IMPA2: variants seen among roughly 807,000 people sequenced by gnomAD.
The protein encoded by IMPA2 is IMP 2.
In IMPA2, 32 loss-of-function variants were observed where a neutral mutation model predicts 35.1. The ratio of observed to expected loss-of-function variants is 0.91; its 90% confidence interval spans 0.69 to 1.23. The LOEUF (loss-of-function observed/expected upper bound fraction) is 1.23. IMPA2 is among the 50% of genes most tolerant of loss of function. The probability of loss-of-function intolerance (pLI) is 0.00; values close to 1 mark genes in which losing one functional copy is unlikely to be tolerated. For synonymous variants in IMPA2, 135 were observed against 160.6 expected, an observed-to-expected ratio of 0.84 and a Z score of 1.20; for missense variants, 334 against 387.6, an observed-to-expected ratio of 0.86 and a Z score of 1.16.
chr18:12,030,299 C>T, intron 7 of IMPA2, 44 bp from the exon 8 acceptor site: 1 of 1,461,692 alleles, frequency 6.8e-7, no homozygotes, highest in Non-Finnish European at 9.6e-7. Context: ...TTGTTCAGCC[C>T]TCTCTGGTAA....
chr18:11,981,571 C>T lies in IMPA2; in HGVS notation c.-99C>T. The T allele has an allele frequency of 2.6e-6, 2 of 762,444 alleles. No individual in the cohort carries two copies. The highest frequency in any genetic ancestry group is 3.6e-6 in the Non-Finnish European group (2 of 561,128). The allele number at this position is 762,444 out of a possible 1,614,324, so 47.2% of individuals were successfully genotyped here. A position where few individuals can be genotyped will look rare whatever the true frequency, so the allele number is the denominator to read the frequency against. ...CTAGGCACAGAGCTGCGGGAGCAGG[C>T]ACAGGGAGTGTGGAGCCTGGCGGCG... On this transcript the variant is annotated 5_prime_UTR_variant, in exon 1 of 8. Coordinates refer to ENST00000269159, the MANE Select transcript of IMPA2 (RefSeq NM_014214.3).
At position 12,009,828 on chromosome 18, in the gene IMPA2, G is replaced by T; in HGVS notation, c.231-55G>T. On this transcript the variant is annotated intron_variant, in intron 2 of 7. Coordinates refer to ENST00000269159, the MANE Select transcript of IMPA2 (RefSeq NM_014214.3). Reference sequence around the variant, plus strand: ...TTAATGGGACTGGAAGCAATTTCAGGCACGTTATTCTGTGTCCTTGGTGCA... The same window carrying T: ...TTAATGGGACTGGAAGCAATTTCAGTCACGTTATTCTGTGTCCTTGGTGCA... The T allele has an allele frequency of 3.7e-6, 5 of 1,354,568 alleles. No homozygotes were observed. The South Asian group carries it at 5.9e-5, about 16-fold the overall frequency. 83.9% of individuals were successfully genotyped at this position (1,354,568 alleles called of 1,614,324 possible). A position where few individuals can be genotyped will look rare whatever the true frequency, so the allele number is the denominator to read the frequency against.
rs541196348 is a variant in IMPA2 at position 12,029,088 on chromosome 18, C to G, written c.751+95C>G. 7 of 1,037,738 alleles carry G rather than the reference C, an allele frequency of 6.7e-6. 1 individual carries two copies. The highest frequency in any genetic ancestry group is 4.3e-4 in the Middle Eastern group (2 of 4,664). The allele number at this position is 1,037,738 out of a possible 1,614,324, so 64.3% of individuals were successfully genotyped here. ...CTGAAGTCCCCACCAACTGAATTTC[C>G]CACCTTCCCCAGAGTTTCTGTTTTT... On this transcript the variant is annotated intron_variant, in intron 7 of 7. Coordinates refer to ENST00000269159, the MANE Select transcript of IMPA2 (RefSeq NM_014214.3).
chr18:12,029,234 C>T (rs1907977185), intron 7 of IMPA2, among the ~76,000 whole-genome samples: 3 of 150,864 alleles, frequency 2.0e-5, no homozygotes, highest in Admixed American at 6.6e-5. Flanking sequence ...CCTGCCTCAG[C>T]CTCCTGAGTA....
rs141692603 is a variant in IMPA2 at position 11,987,086 on chromosome 18, G to A, written c.96+5321G>A. On this transcript the variant is annotated intron_variant, in intron 1 of 7. Transcript: ENST00000269159. ...TTGGTGTGGTCACACTCCTTGGGTC[G>A]CTGCTGTGGAGCAGTGCTTCTCCAG... 1.2e-4 allele frequency among the ~76,000 whole-genome samples: 18 copies of A among 152,338 alleles called. No individual in the cohort carries two copies. The East Asian group carries it at 1.9e-3, about 16-fold the overall frequency.
At chr18:12,007,663 CTTTCTTTCT>C (rs1568032948) in intron 2 of IMPA2, among the ~76,000 whole-genome samples, 1 of 116,930 alleles carries the variant, frequency 8.6e-6, no homozygotes, top group Non-Finnish European at 1.8e-5. Context: ...TTCTTTCTTT[CTTTCTTTCT>C]TTCTTTCCTT....
chr18:12,022,503 C>G (rs1211380594), intron 5 of IMPA2, among the ~76,000 whole-genome samples: 1 of 106,460 alleles, frequency 9.4e-6, no homozygotes, highest in Non-Finnish European at 2.1e-5. Context: ...AGCCTGCTGA[C>G]AGAATGGGGC....
chr18:12,004,666 A>G (rs565697414), intron 2 of IMPA2, among the ~76,000 whole-genome samples: 119 of 152,062 alleles, frequency 7.8e-4, no homozygotes, highest in African/African-American at 2.7e-3. Context: ...CTGGGATTAC[A>G]GGCATGCACC....
intron 4 of IMPA2, among the ~76,000 whole-genome samples, chr18:12,013,251 C>G (rs1041711051): frequency 1.4e-4 from 22 of 152,276 alleles, no homozygotes; most frequent in African/African-American, 5.3e-4. Context: ...GGGGACATTC[C>G]TCTGCACTCT....
At chr18:12,009,806 A>G (rs1347293700) in intron 2 of IMPA2, 77 bp from the exon 3 acceptor site, 6 of 1,055,980 alleles carry the variant, frequency 5.7e-6, no homozygotes, top group Non-Finnish European at 7.4e-6. Context: ...TTTTTCTTTA[A>G]TGGGACTGGA....
chr18:11,998,354 CCAGTGTGTTGG>C (rs1907017157), intron 1 of IMPA2, among the ~76,000 whole-genome samples: 1 of 152,140 alleles, frequency 6.6e-6, no homozygotes, highest in African/African-American at 2.4e-5. Context: ...TGGGTTTAGA[CCAGTGTGTTGG>C]CAGCTTGCAC....
intron 2 of IMPA2, among the ~76,000 whole-genome samples, chr18:11,999,983 G>A (rs950105694): frequency 2.0e-5 from 3 of 152,052 alleles, no homozygotes; most frequent in African/African-American, 2.4e-5. Flanking sequence ...TTTTTTCTTC[G>A]TTACATAGAA....
At chr18:12,006,578 G>C (rs990289095) in intron 2 of IMPA2, among the ~76,000 whole-genome samples, 2 of 152,190 alleles carry the variant, frequency 1.3e-5, no homozygotes, top group Non-Finnish European at 2.9e-5. Context: ...GACTTGACCT[G>C]GTCTTCTTGG....
chr18:12,006,160 A>G (rs1180997233), intron 2 of IMPA2, among the ~76,000 whole-genome samples: 1 of 152,246 alleles, frequency 6.6e-6, no homozygotes, highest in Admixed American at 6.5e-5. Context: ...GGCAGTGCTG[A>G]CAGCACTTAT....
chr18:12,001,285 C>T (rs1907109358), intron 2 of IMPA2, among the ~76,000 whole-genome samples: 2 of 152,052 alleles, frequency 1.3e-5, no homozygotes, highest in Admixed American at 6.6e-5. Flanking sequence ...AAGAATTTAT[C>T]ATATGGATTC....
rs183821529 is a variant in IMPA2, at chr18:12,030,863, A to G, written c.*405A>G. 10 of 183,556 alleles carry G rather than the reference A, an allele frequency of 5.4e-5. No homozygotes were observed. The highest frequency in any genetic ancestry group is 3.4e-4 in the Admixed American group (6 of 17,730). The allele number at this position is 183,556 out of a possible 1,614,324, so 11.4% of individuals were successfully genotyped here. On this transcript the variant is annotated 3_prime_UTR_variant, in exon 8 of 8. Coordinates refer to ENST00000269159, the MANE Select transcript of IMPA2 (RefSeq NM_014214.3). Reference sequence around the variant, plus strand: ...CCCCGGAGTACTTCAGAATGCAATAAATCAAAATAATGGCCCTGTGTGTAT... The same window carrying G: ...CCCCGGAGTACTTCAGAATGCAATAGATCAAAATAATGGCCCTGTGTGTAT...
chr18:11,993,539 T>G (rs534772811), intron 1 of IMPA2, among the ~76,000 whole-genome samples: 34 of 152,318 alleles, frequency 2.2e-4, no homozygotes, highest in African/African-American at 7.5e-4. Flanking sequence ...GGGTAGTTCC[T>G]GGAGCTACTG....
At chr18:11,990,146 C>A (rs951629755) in intron 1 of IMPA2, among the ~76,000 whole-genome samples, 2 of 152,110 alleles carry the variant, frequency 1.3e-5, no homozygotes, top group Admixed American at 1.3e-4. Flanking sequence ...ATCCTGTGTC[C>A]GTTGTCCCAG....
chr18:11,987,372 T>A (rs1255515140), intron 1 of IMPA2, among the ~76,000 whole-genome samples: 1 of 152,208 alleles, frequency 6.6e-6, no homozygotes, highest in Admixed American at 6.5e-5. Context: ...GCTCTCTCGC[T>A]CAGGCTGGAG....
Sources: gnomAD v4.1 joint callset for allele counts (sites outside exome capture counted in the v4.1 genomes callset) on GRCh38, gnomAD v4.1.1 for gene constraint, MANE v1.5 for transcripts, NCBI Gene and HGNC (gene_info 2026-07-23, HGNC 2026-07-21) for gene names.